Variants in EYS observed in about 807,000 individuals in gnomAD.
EYS encodes the protein protein eyes shut homolog.
In EYS, 250 loss-of-function variants were observed where a neutral mutation model predicts 282.1. That is an observed-to-expected ratio of 0.89 (90% CI 0.80 to 0.98). The LOEUF is 0.98. Among genes scored for constraint, EYS ranks in the 50% least tolerant of loss-of-function variants. The pLI is 0.00. For synonymous variants in EYS, 1,355 were observed against 1,282.9 expected (o/e 1.06, Z -1.20); for missense variants, 4,016 against 3,709.0 (o/e 1.08, Z -2.15).
chr6:63,731,509 A>T (rs1207896579), intron 41 of EYS, among the ~76,000 whole-genome samples: 2 of 152,056 alleles, frequency 1.3e-5, no homozygotes, highest in Non-Finnish European at 2.9e-5. Context: ...TTAAGTTTGT[A>T]TTTACCAATA....
chr6:64,992,051 A>G (rs544238966), intron 14 of EYS, among the ~76,000 whole-genome samples: 27 of 151,946 alleles, frequency 1.8e-4, no homozygotes, highest in African/African-American at 6.0e-4. Flanking sequence ...TGGACCCATC[A>G]TCTGAATCAG....
At chr6:64,593,021 AG>A (rs1257490505) in intron 25 of EYS, 95 bp downstream of exon 25, 18 of 832,734 alleles carry the variant, frequency 2.2e-5, no homozygotes, top group African/African-American at 2.0e-4. Context: ...CATGTATCTC[AG>A]AAAAAAAAAA....
intron 33 of EYS, among the ~76,000 whole-genome samples, chr6:64,054,689 T>G (rs978161250): frequency 6.6e-6 from 1 of 152,174 alleles, no homozygotes; most frequent in Non-Finnish European, 1.5e-5. Context: ...CTGTTTCAAT[T>G]AGTTATAGTT....
intron 26 of EYS, among the ~76,000 whole-genome samples, chr6:64,566,318 C>T (rs1026227383): frequency 2.0e-5 from 3 of 152,040 alleles, no homozygotes; most frequent in Non-Finnish European, 4.4e-5. Context: ...TATTTAAAAC[C>T]TGTATTTGAC....
chr6:65,403,704 A>G (rs139894586), intron 6 of EYS, among the ~76,000 whole-genome samples: 142 of 152,100 alleles, frequency 9.3e-4, no homozygotes, highest in South Asian at 1.7e-3. Flanking sequence ...AATATTAAAT[A>G]GAGAATATAA....
intron 22 of EYS, among the ~76,000 whole-genome samples, chr6:64,649,922 A>G (rs969296331): frequency 6.6e-6 from 1 of 152,158 alleles, no homozygotes; most frequent in Non-Finnish European, 1.5e-5. Context: ...ACCATGGACT[A>G]CTCACAGAAA....
rs571292225 is a variant in EYS, at chr6:65,583,473, C to T, written c.-333+56305G>A. On this transcript the variant is annotated intron_variant, in intron 2 of 42. Coordinates refer to ENST00000503581, the MANE Select transcript of EYS (RefSeq NM_001142800.2). ...CAAAAGTAAAACAAAATGGCAAGTC[C>T]GAGCCGGTATTCCACTACAAATAAT... 1.6e-3 allele frequency among the ~76,000 whole-genome samples: 243 copies of T among 151,972 alleles called. 1 individual carries two copies. Among genetic ancestry groups the T allele is most frequent in the Non-Finnish European group, 2.8e-3 (187 of 67,916 alleles).
intron 26 of EYS, among the ~76,000 whole-genome samples, chr6:64,467,389 T>A (rs928490586): frequency 6.6e-6 from 1 of 152,172 alleles, no homozygotes; most frequent in Non-Finnish European, 1.5e-5. Context: ...AAAATTTAAT[T>A]TTTTTACCCT....
At chr6:65,694,258 CA>C (rs1037663075) in intron 1 of EYS, among the ~76,000 whole-genome samples, 1 of 145,496 alleles carries the variant, frequency 6.9e-6, no homozygotes. Flanking sequence ...AACTCTATCT[CA>C]AAAAAAATAA....
At chr6:65,592,901 C>T (rs553906332) in intron 2 of EYS, among the ~76,000 whole-genome samples, 22 of 152,098 alleles carry the variant, frequency 1.4e-4, no homozygotes, top group Admixed American at 8.5e-4. Context: ...GATTCCTGCA[C>T]GTAGCATCCT....
chr6:64,188,822 ATTAG>A (rs747757620), intron 31 of EYS, among the ~76,000 whole-genome samples: 39 of 152,240 alleles, frequency 2.6e-4, no homozygotes, highest in Non-Finnish European at 3.7e-4. Context: ...AGTGTTGAGG[ATTAG>A]TTAGTAGGAA....
At chr6:65,263,571 G>A (rs1286979302) in intron 12 of EYS, among the ~76,000 whole-genome samples, 2 of 152,008 alleles carry the variant, frequency 1.3e-5, no homozygotes, top group African/African-American at 4.8e-5. Context: ...ATTAATGTTT[G>A]AGGAATCAAA....
intron 31 of EYS, among the ~76,000 whole-genome samples, chr6:64,091,278 T>C (rs1772348949): frequency 6.6e-6 from 1 of 152,178 alleles, no homozygotes; most frequent in African/African-American, 2.4e-5. Context: ...ACATTGCCGT[T>C]GATTTATATA....
chr6:64,339,675 C>A (rs1169929792), intron 29 of EYS, among the ~76,000 whole-genome samples: 1 of 151,818 alleles, frequency 6.6e-6, no homozygotes, highest in African/African-American at 2.4e-5. Context: ...GATATACTTG[C>A]ACACGCGTGT....
intron 31 of EYS, among the ~76,000 whole-genome samples, chr6:64,102,549 T>C (rs113857122): frequency 0.042 from 6,418 of 152,274 alleles, 398 homozygotes; most frequent in African/African-American, 0.14. Context: ...AAAATAGCCA[T>C]TGTTTATGAT....
intron 12 of EYS, among the ~76,000 whole-genome samples, chr6:65,132,433 T>C (rs975619744): frequency 1.3e-5 from 2 of 151,868 alleles, no homozygotes; most frequent in Non-Finnish European, 2.9e-5. Flanking sequence ...ATGTGATTAA[T>C]CATATACACA....
At chr6:65,178,159 C>G (rs756437178) in intron 12 of EYS, among the ~76,000 whole-genome samples, 1 of 151,946 alleles carries the variant, frequency 6.6e-6, no homozygotes, top group Non-Finnish European at 1.5e-5. Flanking sequence ...ACCCAAGCAT[C>G]TTGTCTGTAA....
chr6:63,991,540 T>G (rs1767602440), intron 34 of EYS, among the ~76,000 whole-genome samples: 1 of 151,584 alleles, frequency 6.6e-6, no homozygotes, highest in South Asian at 2.1e-4. Flanking sequence ...ATTTTGGAGC[T>G]GAAAACTGTA....
chr6:64,745,648 C>A (rs1412190556), intron 22 of EYS, among the ~76,000 whole-genome samples: 1 of 152,028 alleles, frequency 6.6e-6, no homozygotes. Context: ...GTTACTTAAG[C>A]AATAATATTT....
Sources: gnomAD v4.1 joint callset for allele counts (sites outside exome capture counted in the v4.1 genomes callset) on GRCh38, gnomAD v4.1.1 for gene constraint, MANE v1.5 for transcripts, NCBI Gene and HGNC (gene_info 2026-07-23, HGNC 2026-07-21) for gene names.